The following ST7L variants were observed in gnomAD, a reference collection of about 807,000 sequenced individuals.
ST7L encodes suppression of tumorigenicity 7 like, also known as suppressor of tumorigenicity 7 protein-like.
A neutral mutation model predicts 72.5 loss-of-function variants in ST7L; 57 were observed. That is an observed-to-expected ratio of 0.79 (90% CI 0.64 to 0.98). ST7L has a LOEUF of 0.98. ST7L is among the 50% of genes least tolerant of loss of function. ST7L has a pLI of 0.00. For missense variants in ST7L, 576 were observed against 672.2 expected (o/e 0.86, Z 1.58); for synonymous variants, 221 against 240.9 (o/e 0.92, Z 0.77).
chr1:112,578,734 A>T (rs1558010083), intron 9 of ST7L, among the ~76,000 whole-genome samples: 1 of 152,202 alleles, frequency 6.6e-6, no homozygotes, highest in Non-Finnish European at 1.5e-5. Context: ...AGATTGCGCC[A>T]TTGCGCTCCA....
chr1:112,550,790 C>A (rs1219793817), intron 12 of ST7L, 97 bp from the exon 13 acceptor site: 4 of 945,060 alleles, frequency 4.2e-6, no homozygotes, highest in South Asian at 3.3e-5. Flanking sequence ...ATACTATTTT[C>A]TTTTTTTAGT....
intron 14 of ST7L, chr1:112,539,780 C>T: frequency 1.0e-6 from 1 of 985,118 alleles, no homozygotes; most frequent in Non-Finnish European, 1.2e-6. Context: ...TATTGGTTTG[C>T]AGGAACTTTC....
At chr1:112,572,813 A>G (rs998640344) in intron 11 of ST7L, among the ~76,000 whole-genome samples, 1 of 152,242 alleles carries the variant, frequency 6.6e-6, no homozygotes, top group Non-Finnish European at 1.5e-5. Flanking sequence ...TTAACTGGGT[A>G]TATCAGAAGA....
chr1:112,538,402 G>A (rs1017974773), intron 14 of ST7L, among the ~76,000 whole-genome samples: 2 of 152,164 alleles, frequency 1.3e-5, no homozygotes, highest in Non-Finnish European at 2.9e-5. Context: ...GAGTGCAATA[G>A]TGAAATCATG....
At chr1:112,549,612 A>AT (rs916245439) in intron 13 of ST7L, among the ~76,000 whole-genome samples, 3 of 152,140 alleles carry the variant, frequency 2.0e-5, no homozygotes, top group African/African-American at 7.2e-5. Flanking sequence ...ATATAGATAT[A>AT]TAATTAATTT....
chr1:112,554,385 G>A (rs761299189), intron 12 of ST7L, among the ~76,000 whole-genome samples: 21 of 152,000 alleles, frequency 1.4e-4, no homozygotes, highest in Non-Finnish European at 2.6e-4. Flanking sequence ...AATCATCAGA[G>A]AAATGCAAAA....
rs544358029 is a variant in ST7L, at chr1:112,549,059, G to T, written c.1489+1542C>A. 9.0e-4 allele frequency among the ~76,000 whole-genome samples: 137 copies of T among 151,994 alleles called. 1 individual carries two copies. Among genetic ancestry groups the T allele is most frequent in the African/African-American group, 3.2e-3 (131 of 41,464 alleles). On this transcript the variant is annotated intron_variant, in intron 13 of 14. Transcript: ENST00000358039. ...CCCTCCTGGGATTTTGATAGCGATT[G>T]TATTGAATCTATAGATCAATTTGGA... is the stretch of plus-strand genomic sequence containing the variant.
In ST7L at chr1:112,525,289, C is replaced by T. The variant is rs1358351973; in HGVS notation, c.*724G>A. 4.6e-5 allele frequency: 7 copies of T among 152,140 alleles called. No individual in the cohort carries two copies. The highest frequency in any genetic ancestry group is 3.3e-4 in the Admixed American group (5 of 15,272). 9.4% of individuals were successfully genotyped at this position (152,140 alleles called of 1,614,324 possible). On this transcript the variant is annotated 3_prime_UTR_variant, in exon 15 of 15. Transcript: ENST00000358039. Reference sequence around the variant, plus strand: ...CATAAGAGAGAAGCACTGGAAAAGACCAAGTGGTGGCTTTATTAGGGTAAA... The same window carrying T: ...CATAAGAGAGAAGCACTGGAAAAGATCAAGTGGTGGCTTTATTAGGGTAAA...
At chr1:112,618,026 G>A in intron 1 of ST7L, 1 of 1,303,846 alleles carries the variant, frequency 7.7e-7, no homozygotes, top group South Asian at 1.2e-5. Flanking sequence ...TGTCATCTCT[G>A]AACAGGAAAG....
chr1:112,520,770 G>C, downstream of ST7L: 1 of 520,706 alleles, frequency 1.9e-6, no homozygotes, highest in Non-Finnish European at 3.4e-6. Context: ...AGAGATAGGG[G>C]GTCTTTAGAG....
chr1:112,598,046 CAT>C lies in ST7L; in HGVS notation c.545_546del (p.Tyr182Ter), dbSNP rs749279425. On this transcript the variant is annotated frameshift_variant, in exon 5 of 15. Coordinates refer to ENST00000358039, the MANE Select transcript of ST7L (RefSeq NM_017744.5). LOFTEE classifies it high-confidence loss of function. ...WVTGKEPLTY[Y>X]DMNLSAQDHQ... is the part of the protein sequence containing the mutation. ...TGGTCCTGAGCTGACAGGTTCATGT[CAT>C]AGTATGTAAGTGGCTCTTTACCAGT... The C allele has an allele frequency of 1.9e-6, 3 of 1,613,432 alleles. No homozygotes were observed. The highest frequency in any genetic ancestry group is 2.5e-6 in the Non-Finnish European group (3 of 1,179,778).
At chr1:112,565,867 TTA>T (rs1446909599) in intron 11 of ST7L, among the ~76,000 whole-genome samples, 5 of 151,950 alleles carry the variant, frequency 3.3e-5, no homozygotes, top group African/African-American at 1.2e-4. Flanking sequence ...AATACAAAAA[TTA>T]GCTCCGTGGC....
intron 11 of ST7L, among the ~76,000 whole-genome samples, chr1:112,576,030 G>A (rs1434382520): frequency 1.3e-5 from 2 of 152,020 alleles, no homozygotes; most frequent in Non-Finnish European, 2.9e-5. Flanking sequence ...ATTACTTTCC[G>A]TAGTAAGGGC....
chr1:112,568,705 AC>A (rs5777127), intron 11 of ST7L, among the ~76,000 whole-genome samples: 31,982 of 134,356 alleles, frequency 0.24, 3,622 homozygotes, highest in Non-Finnish European at 0.27. Context: ...AAACAAAAAA[AC>A]AACAACAAAA....
chr1:112,568,861 A>AATATAAATAAATATATAT (rs61349207), intron 11 of ST7L, among the ~76,000 whole-genome samples: 348 of 114,880 alleles, frequency 3.0e-3, no homozygotes, highest in South Asian at 7.9e-3. Flanking sequence ...TATAAATATA[A>AATATAAATAAATATATAT]ATATATATAT....
At chr1:112,527,799 T>G (rs1022705688) in intron 14 of ST7L, 7 of 152,244 alleles carry the variant, frequency 4.6e-5, no homozygotes, top group African/African-American at 1.7e-4. Context: ...TTCAGCAGGC[T>G]GCCACACACA....
rs533749889 is a variant in ST7L at position 112,570,224 on chromosome 1, A to AT, written c.1245+6761dup. Among the ~76,000 whole-genome samples, 211 of 151,778 alleles carry AT rather than the reference A, an allele frequency of 1.4e-3. 6 individuals carry two copies. The highest frequency in any genetic ancestry group is 1.8e-3 in the Non-Finnish European group (124 of 67,906). Reference sequence around the variant, plus strand: ...AAAAACCATGAACACATGCTGTTCTATTTTTTTTACTGTGGTACTATCAGT... The same window carrying AT: ...AAAAACCATGAACACATGCTGTTCTATTTTTTTTTACTGTGGTACTATCAGT... On this transcript the variant is annotated intron_variant, in intron 11 of 14. Transcript: ENST00000358039.
chr1:112,578,070 A>T (rs1207504505), intron 10 of ST7L, among the ~76,000 whole-genome samples: 3 of 152,234 alleles, frequency 2.0e-5, no homozygotes, highest in Admixed American at 1.3e-4. Context: ...CTGCAATATT[A>T]GTCTCATTTT....
chr1:112,541,812 C>A (rs1437327517), intron 14 of ST7L, 139 bp downstream of exon 14: 2 of 1,380,296 alleles, frequency 1.4e-6, no homozygotes, highest in Non-Finnish European at 1.9e-6. Context: ...GTATTTATGG[C>A]AGCAACTATA....
Sources: allele counts gnomAD v4.1 joint callset (sites outside exome capture counted in the v4.1 genomes callset), GRCh38; gene constraint gnomAD v4.1.1; transcripts MANE v1.5; gene names NCBI Gene and HGNC (gene_info 2026-07-23, HGNC 2026-07-21).